Variants in FAM171A1 observed in about 807,000 individuals in gnomAD.
FAM171A1 encodes the protein protein FAM171A1.
A neutral mutation model predicts 74.9 loss-of-function variants in FAM171A1; 23 were observed. That is an observed-to-expected ratio of 0.31 (90% CI 0.22 to 0.44). The LOEUF (loss-of-function observed/expected upper bound fraction) is 0.44. Among genes scored for constraint, FAM171A1 ranks in the 20% least tolerant of loss-of-function variants. The pLI, the probability that FAM171A1 is intolerant of heterozygous loss-of-function variation, is 1.00. For missense variants in FAM171A1, 1,162 were observed against 1,159.2 expected (o/e 1.00, Z -0.03); for synonymous variants, 527 against 505.7 (o/e 1.04, Z -0.57).
At chr10:15,365,694 T>C (rs759559317) in intron 1 of FAM171A1, among the ~76,000 whole-genome samples, 17 of 150,174 alleles carry the variant, frequency 1.1e-4, no homozygotes, top group Non-Finnish European at 2.4e-4. Context: ...CTTTTCAACC[T>C]GGGAGGCAGA....
At chr10:15,329,190 A>C (rs186550652) in intron 1 of FAM171A1, among the ~76,000 whole-genome samples, 4 of 152,326 alleles carry the variant, frequency 2.6e-5, no homozygotes, top group African/African-American at 9.6e-5. Flanking sequence ...GTGTATGTTT[A>C]AAGGAGGTAT....
chr10:15,341,205 T>C (rs907461791), intron 1 of FAM171A1, among the ~76,000 whole-genome samples: 1 of 152,200 alleles, frequency 6.6e-6, no homozygotes, highest in East Asian at 1.9e-4. Context: ...ACTGTAATGT[T>C]TCCCAGGACA....
At chr10:15,289,139 C>G (rs904036113) in intron 1 of FAM171A1, among the ~76,000 whole-genome samples, 15 of 152,112 alleles carry the variant, frequency 9.9e-5, no homozygotes, top group Non-Finnish European at 1.9e-4. Context: ...GTAATTCTTA[C>G]AGCCCACAGG....
At chr10:15,246,544 G>T (rs1025324495) in intron 5 of FAM171A1, among the ~76,000 whole-genome samples, 4 of 152,000 alleles carry the variant, frequency 2.6e-5, no homozygotes, top group African/African-American at 9.7e-5. Flanking sequence ...CTTTTTTCGA[G>T]ACAGTCTTGC....
chr10:15,229,921 A>T (rs111883608), intron 5 of FAM171A1, among the ~76,000 whole-genome samples: 5,404 of 50,472 alleles, frequency 0.11, 439 homozygotes, highest in Middle Eastern at 0.15. Flanking sequence ...ACCATCACCA[A>T]CATCATCATC....
At chr10:15,272,537 C>T (rs1481736936) in intron 3 of FAM171A1, among the ~76,000 whole-genome samples, 1 of 152,128 alleles carries the variant, frequency 6.6e-6, no homozygotes, top group Non-Finnish European at 1.5e-5. Flanking sequence ...CTGCACCAAG[C>T]AGACCTAATA....
At chr10:15,314,312 T>C (rs1224036771) in intron 1 of FAM171A1, among the ~76,000 whole-genome samples, 1 of 152,196 alleles carries the variant, frequency 6.6e-6, no homozygotes, top group Non-Finnish European at 1.5e-5. Context: ...TTTAGAGCTC[T>C]TATTTAAGTG....
At chr10:15,343,197 TA>T (rs1001716039) in intron 1 of FAM171A1, among the ~76,000 whole-genome samples, 1 of 151,924 alleles carries the variant, frequency 6.6e-6, no homozygotes, top group Non-Finnish European at 1.5e-5. Flanking sequence ...CCCCATCACT[TA>T]AAAAAAATAA....
intron 1 of FAM171A1, among the ~76,000 whole-genome samples, chr10:15,318,319 G>A (rs1835446846): frequency 6.6e-6 from 1 of 152,220 alleles, no homozygotes; most frequent in African/African-American, 2.4e-5. Context: ...CCCAGGTGGA[G>A]CTGAAGTTCT....
At chr10:15,335,803 A>G (rs898713142) in intron 1 of FAM171A1, among the ~76,000 whole-genome samples, 1 of 152,212 alleles carries the variant, frequency 6.6e-6, no homozygotes, top group Admixed American at 6.5e-5. Flanking sequence ...TGGAGTAAAA[A>G]TGTGTGTATA....
At chr10:15,264,092 C>G (rs1450853422) in intron 3 of FAM171A1, among the ~76,000 whole-genome samples, 1 of 151,978 alleles carries the variant, frequency 6.6e-6, no homozygotes, top group East Asian at 1.9e-4. Context: ...GATTCTCCCA[C>G]TTCAGCCTCC....
In FAM171A1 at chr10:15,331,866, T is replaced by C. The variant is rs1235437684; in HGVS notation, c.97+39090A>G. Among the ~76,000 whole-genome samples the C allele has an allele frequency of 2.7e-3, 156 of 57,000 alleles. 7 individuals are homozygous for C. The highest frequency in any genetic ancestry group is 9.7e-3 in the African/African-American group (104 of 10,724). 37.4% of individuals were successfully genotyped at this position (57,000 alleles called of 152,430 possible). A position where few individuals can be genotyped will look rare whatever the true frequency, so the allele number is the denominator to read the frequency against. ...GTGTGTATATATATGTGTGTATATA[T>C]ATGTGTGTGTATACATATATATATA... On this transcript the variant is annotated intron_variant, in intron 1 of 7. Coordinates refer to ENST00000378116, the MANE Select transcript of FAM171A1 (RefSeq NM_001010924.2).
intron 4 of FAM171A1, among the ~76,000 whole-genome samples, chr10:15,254,039 C>T (rs1177388026): frequency 6.6e-6 from 1 of 152,222 alleles, no homozygotes; most frequent in Non-Finnish European, 1.5e-5. Flanking sequence ...GACTTAGAGA[C>T]CTGCCAGGAG....
At chr10:15,358,900 G>T (rs951745181) in intron 1 of FAM171A1, among the ~76,000 whole-genome samples, 18 of 152,152 alleles carry the variant, frequency 1.2e-4, no homozygotes, top group Admixed American at 1.0e-3. Flanking sequence ...CAGCACAGTT[G>T]GGGGGTGAAG....
chr10:15,324,657 A>G (rs1021084882), intron 1 of FAM171A1, among the ~76,000 whole-genome samples: 4 of 152,148 alleles, frequency 2.6e-5, no homozygotes, highest in Non-Finnish European at 5.9e-5. Flanking sequence ...AGGAATGTTT[A>G]GAGGTTTCCT....
intron 1 of FAM171A1, among the ~76,000 whole-genome samples, chr10:15,367,337 A>G (rs1235646735): frequency 1.3e-5 from 2 of 152,262 alleles, no homozygotes; most frequent in Non-Finnish European, 2.9e-5. Flanking sequence ...TAAGTTACAA[A>G]GTATTATAGA....
intron 1 of FAM171A1, among the ~76,000 whole-genome samples, chr10:15,290,391 T>C (rs1835089270): frequency 6.6e-6 from 1 of 152,196 alleles, no homozygotes; most frequent in Non-Finnish European, 1.5e-5. Context: ...TCCATGTTGC[T>C]AATTCCTCTT....
At chr10:15,362,313 T>A (rs1836004094) in intron 1 of FAM171A1, among the ~76,000 whole-genome samples, 1 of 152,270 alleles carries the variant, frequency 6.6e-6, no homozygotes, top group Admixed American at 6.5e-5. Flanking sequence ...TCTACTTAAT[T>A]TGCAACTTTT....
rs867768548 is a variant in FAM171A1 at position 15,356,091 on chromosome 10, G to A, written c.97+14865C>T. 3.0e-4 allele frequency among the ~76,000 whole-genome samples: 46 copies of A among 152,008 alleles called. No individual in the cohort carries two copies. In the Middle Eastern group the frequency reaches 0.01, roughly 34 times the overall value. On this transcript the variant is annotated intron_variant, in intron 1 of 7. Transcript: ENST00000378116. The stretch of plus-strand genomic sequence containing the variant: ...ATTATTGAAAATAAACATAAACATC[G>A]TAGTGAAACCTCAACTTTGGTTTCT...
Sources: allele counts gnomAD v4.1 joint callset (sites outside exome capture counted in the v4.1 genomes callset), GRCh38; gene constraint gnomAD v4.1.1; transcripts MANE v1.5; gene names NCBI Gene and HGNC (gene_info 2026-07-23, HGNC 2026-07-21).